The following PDZRN4 variants were observed in gnomAD, a reference collection of about 807,000 sequenced individuals.
The protein encoded by PDZRN4 is PDZ domain containing ring finger 4.
Under a neutral mutation model 99.0 loss-of-function variants are expected in PDZRN4, and 70 were observed. The observed-to-expected ratio is 0.71, with a 90% confidence interval of 0.58 to 0.86. The LOEUF (loss-of-function observed/expected upper bound fraction) is 0.86, where lower values mean the gene tolerates loss of function less well. Ranked by LOEUF, PDZRN4 falls within the 40% of genes least tolerant of loss-of-function variation. The probability of loss-of-function intolerance (pLI) is 0.00; values close to 1 mark genes in which losing one functional copy is unlikely to be tolerated. For synonymous variants in PDZRN4, 551 were observed against 501.6 expected (o/e 1.10, Z -1.32); for missense variants, 1,474 against 1,331.2 (o/e 1.11, Z -1.67).
At chr12:41,411,074 T>A (rs909338466) in intron 3 of PDZRN4, among the ~76,000 whole-genome samples, 13 of 150,088 alleles carry the variant, frequency 8.7e-5, no homozygotes, top group Admixed American at 8.0e-4. Context: ...TATATTTTTT[T>A]TTTATTTGTA....
intron 5 of PDZRN4, among the ~76,000 whole-genome samples, chr12:41,546,222 G>A (rs1401699272): frequency 6.6e-6 from 1 of 152,144 alleles, no homozygotes; most frequent in Non-Finnish European, 1.5e-5. Context: ...TGAATACTTG[G>A]TCTTAACCAC....
chr12:41,459,922 T>G, intron 3 of PDZRN4: 2 of 1,259,464 alleles, frequency 1.6e-6, no homozygotes, highest in Non-Finnish European at 2.0e-6. Context: ...CTGTTTTGAC[T>G]GAAGGAGAAA....
At chr12:41,473,146 T>G (rs1953009205) in intron 3 of PDZRN4, among the ~76,000 whole-genome samples, 1 of 152,142 alleles carries the variant, frequency 6.6e-6, no homozygotes, top group Non-Finnish European at 1.5e-5. Context: ...TATATTTAAC[T>G]GACCCTATGA....
intron 3 of PDZRN4, among the ~76,000 whole-genome samples, chr12:41,389,190 C>T (rs557895373): frequency 4.6e-5 from 7 of 152,160 alleles, no homozygotes; most frequent in African/African-American, 1.7e-4. Context: ...ATGGAGTGTA[C>T]TCGAAAGGCC....
chr12:41,553,201 C>T (rs890798482), intron 6 of PDZRN4, among the ~76,000 whole-genome samples: 1 of 152,190 alleles, frequency 6.6e-6, no homozygotes, highest in African/African-American at 2.4e-5. Context: ...GTTGAATACC[C>T]AATGAGTGCA....
chr12:41,347,809 A>T (rs1030701738), intron 3 of PDZRN4, among the ~76,000 whole-genome samples: 2 of 152,186 alleles, frequency 1.3e-5, no homozygotes, highest in African/African-American at 4.8e-5. Context: ...CATTTAAAAC[A>T]TCTGTAAAGT....
chr12:41,424,131 ATATT>A (rs1233748240), intron 3 of PDZRN4, among the ~76,000 whole-genome samples: 1 of 152,178 alleles, frequency 6.6e-6, no homozygotes, highest in Non-Finnish European at 1.5e-5. Context: ...TTGTGAAAAA[ATATT>A]TATTGCTTGA....
chr12:41,412,507 C>T (rs369661155), intron 3 of PDZRN4: 11 of 151,906 alleles, frequency 7.2e-5, no homozygotes, highest in Admixed American at 1.3e-4. Flanking sequence ...GAAGGAGAGA[C>T]GGGTGATAAC....
rs1451989904 is a variant in PDZRN4 at position 41,193,426 on chromosome 12, G to A, written c.736-655G>A. ...TTGACTTCTTGTGACTGGCTAAAATGTCCTATTTTTACCATATTGGCTATG... is the reference window on the plus strand; with the variant it reads ...TTGACTTCTTGTGACTGGCTAAAATATCCTATTTTTACCATATTGGCTATG... On this transcript the variant is annotated intron_variant, in intron 2 of 9. Coordinates refer to ENST00000402685, the MANE Select transcript of PDZRN4 (RefSeq NM_001164595.2). Among the ~76,000 whole-genome samples the A allele has an allele frequency of 2.6e-5, 4 of 152,134 alleles. No individual in the cohort carries two copies. The East Asian group carries it at 7.7e-4, about 29-fold the overall frequency.
intron 3 of PDZRN4, among the ~76,000 whole-genome samples, chr12:41,326,693 A>C (rs975650932): frequency 6.6e-6 from 1 of 152,176 alleles, no homozygotes; most frequent in Admixed American, 6.6e-5. Flanking sequence ...TCGACCCAGT[A>C]TATTTTCCTC....
intron 3 of PDZRN4, among the ~76,000 whole-genome samples, chr12:41,505,766 A>G (rs1393011497): frequency 6.6e-6 from 1 of 151,764 alleles, no homozygotes; most frequent in Non-Finnish European, 1.5e-5. Flanking sequence ...AGAGGGACAT[A>G]ATATACCCAT....
chr12:41,394,794 A>G (rs1051560688), intron 3 of PDZRN4, among the ~76,000 whole-genome samples: 1 of 151,808 alleles, frequency 6.6e-6, no homozygotes, highest in Admixed American at 6.6e-5. Context: ...AGAGAGAGAG[A>G]GAGTGAGTGA....
chr12:41,430,405 G>A (rs1952577644), intron 3 of PDZRN4, among the ~76,000 whole-genome samples: 1 of 151,790 alleles, frequency 6.6e-6, no homozygotes, highest in Admixed American at 6.6e-5. Flanking sequence ...GGAGGCAGAG[G>A]TTGCAGTGAG....
At position 41,454,566 on chromosome 12, in the gene PDZRN4, A is replaced by G. The variant is rs537673511; in HGVS notation, c.844-51890A>G. Among the ~76,000 whole-genome samples, 7 of 152,324 alleles carry G rather than the reference A, an allele frequency of 4.6e-5. No homozygotes were observed. In the South Asian group the frequency reaches 1.5e-3, roughly 32 times the overall value. ...GGATCTTTGGGGTCATTTGAGTGGT[A>G]TGGATAGCATGGTCCCTTGAGGGAG... On this transcript the variant is annotated intron_variant, in intron 3 of 9. Coordinates refer to ENST00000402685, the MANE Select transcript of PDZRN4 (RefSeq NM_001164595.2).
At chr12:41,388,164 A>G (rs993361004) in intron 3 of PDZRN4, among the ~76,000 whole-genome samples, 3 of 152,138 alleles carry the variant, frequency 2.0e-5, no homozygotes, top group African/African-American at 7.2e-5. Flanking sequence ...GCAAACTAAC[A>G]CAAGAACAGA....
intron 3 of PDZRN4, among the ~76,000 whole-genome samples, chr12:41,416,209 A>G (rs535280085): frequency 6.6e-6 from 1 of 152,358 alleles, no homozygotes; most frequent in Admixed American, 6.5e-5. Flanking sequence ...CTCTGTAGAC[A>G]TACATCCACT....
At chr12:41,359,142 C>T (rs940231565) in intron 3 of PDZRN4, among the ~76,000 whole-genome samples, 4 of 151,860 alleles carry the variant, frequency 2.6e-5, no homozygotes, top group African/African-American at 4.8e-5. Context: ...ATTCCTGCTA[C>T]TTTCTTCAAA....
At chr12:41,259,738 AATTAGTTCACAAAT>A (rs1951225101) in intron 3 of PDZRN4, among the ~76,000 whole-genome samples, 1 of 152,180 alleles carries the variant, frequency 6.6e-6, no homozygotes, top group Non-Finnish European at 1.5e-5. Context: ...TGCATCATGT[AATTAGTTCACAAAT>A]GAGTTTAGTC....
intron 5 of PDZRN4, among the ~76,000 whole-genome samples, chr12:41,536,649 A>G (rs11180984): frequency 0.14 from 21,197 of 151,964 alleles, 1,942 homozygotes; most frequent in Non-Finnish European, 0.2. Context: ...GAGGATGTTG[A>G]TAATAGAAAA....
Sources: gnomAD v4.1 joint callset for allele counts (sites outside exome capture counted in the v4.1 genomes callset) on GRCh38, gnomAD v4.1.1 for gene constraint, MANE v1.5 for transcripts, NCBI Gene and HGNC (gene_info 2026-07-23, HGNC 2026-07-21) for gene names.